Variants in FRMPD3 observed in about 807,000 individuals in gnomAD.
FRMPD3 encodes FERM and PDZ domain containing 3, also known as FERM and PDZ domain-containing protein 3.
Under a neutral mutation model 97.9 loss-of-function variants are expected in FRMPD3, and 42 were observed. The observed-to-expected ratio is 0.43, with a 90% CI of 0.34 to 0.55. The LOEUF is 0.55. Ranked by LOEUF, FRMPD3 falls within the 20% of genes least tolerant of loss-of-function variation. The pLI is 0.03. For synonymous variants in FRMPD3, 577 were observed against 581.1 expected, an observed-to-expected ratio of 0.99 and a Z score of 0.10; for missense variants, 1,303 against 1,457.7, an observed-to-expected ratio of 0.89 and a Z score of 1.73.
chrX:107,583,869 CT>C (rs1270872725), intron 13 of FRMPD3, among the ~76,000 whole-genome samples: 119 of 94,843 alleles, frequency 1.3e-3, no homozygotes, highest in Non-Finnish European at 1.4e-3. Flanking sequence ...CTTTTTCTTT[CT>C]TTTTTTTTTT....
At chrX:107,559,369 T>G (rs1469271500) in intron 8 of FRMPD3, among the ~76,000 whole-genome samples, 4 of 111,978 alleles carry the variant, frequency 3.6e-5, no homozygotes, top group Non-Finnish European at 7.5e-5. Flanking sequence ...CACAGCATTT[T>G]ATATAAAGGA....
At chrX:107,471,884 C>T (rs1228401990) in intron 1 of FRMPD3, among the ~76,000 whole-genome samples, 3 of 112,376 alleles carry the variant, frequency 2.7e-5, no homozygotes, top group African/African-American at 9.7e-5. Flanking sequence ...ATACTGTCTT[C>T]CACAATAGTT....
intron 1 of FRMPD3, among the ~76,000 whole-genome samples, chrX:107,487,251 C>T (rs1414740863): frequency 9.1e-6 from 1 of 110,413 alleles, no homozygotes; most frequent in African/African-American, 3.3e-5. Flanking sequence ...AAGACTCCAT[C>T]TCAAAAAAAT....
Position 107,600,856 on chromosome X carries a change from G to A in FRMPD3, c.2817G>A (p.Leu939=), listed in dbSNP as rs1032683087. The A allele has an allele frequency of 2.5e-6, 3 of 1,207,618 alleles. No homozygotes were observed. In the African/African-American group the frequency reaches 5.3e-5, roughly 21 times the overall value. The change falls in exon 15 of 15, where the codon TTG becomes TTA. Residue 939 remains leucine (L), a synonymous_variant. Transcript: ENST00000683843. ...ACAACCTGCCCAAGGAGGTCAGGTT[G>A]AGCCCCAAGCTTATCCTCGACCCAA... ...LRDNLPKEVR[L]SPKLILDPKS... is the part of the protein sequence containing the mutation.
intron 1 of FRMPD3, among the ~76,000 whole-genome samples, chrX:107,500,257 AATT>A (rs1387079956): frequency 1.8e-5 from 2 of 111,462 alleles, no homozygotes; most frequent in Non-Finnish European, 1.9e-5. Context: ...AGCGTCAGCT[AATT>A]ATTGTTGGGT....
At chrX:107,502,186 C>T (rs1234447576) in intron 1 of FRMPD3, among the ~76,000 whole-genome samples, 1 of 110,167 alleles carries the variant, frequency 9.1e-6, no homozygotes, top group African/African-American at 3.3e-5. Flanking sequence ...CCCATTGGAG[C>T]AGCTAGGCCT....
intron 1 of FRMPD3, among the ~76,000 whole-genome samples, chrX:107,483,904 C>T: frequency 8.9e-6 from 1 of 111,763 alleles, no homozygotes; most frequent in East Asian, 2.8e-4. Flanking sequence ...AACATATACA[C>T]TGGGTGTGCA....
At chrX:107,450,562 CCACACA>C (rs561898459) in intron 1 of FRMPD3, among the ~76,000 whole-genome samples, 990 of 84,231 alleles carry the variant, frequency 0.012, 24 homozygotes, top group East Asian at 0.086. Context: ...CATGCAAAGA[CCACACA>C]CACACACACA....
At chrX:107,599,758 G>A (rs1924399202) in intron 14 of FRMPD3, among the ~76,000 whole-genome samples, 1 of 111,003 alleles carries the variant, frequency 9.0e-6, no homozygotes, top group South Asian at 3.9e-4. Flanking sequence ...TTTGGATTCC[G>A]GCCTTTCATC....
chrX:107,602,224 C>T lies in FRMPD3; in HGVS notation c.4185C>T (p.Tyr1395=). ...APNYRKLMRR[Y]SISELDQGDR... ...ATTACAGGAAACTGATGCGCCGCTA[C>T]AGTATCAGTGAGCTGGACCAGGGTG... Residue 1395 remains tyrosine, a synonymous_variant, in exon 15 of 15, where the codon TAC becomes TAT. Transcript: ENST00000683843. 8.3e-7 allele frequency: 1 copy of T among 1,210,237 alleles called. No individual in the cohort carries two copies. The highest frequency in any genetic ancestry group is 1.8e-5 in the South Asian group (1 of 56,798).
At chrX:107,530,310 G>A in intron 2 of FRMPD3, 99 bp from the exon 3 acceptor site, 1 of 609,024 alleles carries the variant, frequency 1.6e-6, no homozygotes, top group Non-Finnish European at 2.7e-6. Context: ...CCAGGCCTCA[G>A]CACCTGCTTC....
chrX:107,459,061 T>C (rs1931422769), intron 1 of FRMPD3, among the ~76,000 whole-genome samples: 1 of 112,238 alleles, frequency 8.9e-6, no homozygotes, highest in Admixed American at 9.4e-5. Flanking sequence ...CATTGGGCAT[T>C]ATAATCAGTT....
intron 1 of FRMPD3, among the ~76,000 whole-genome samples, chrX:107,517,408 G>A (rs1235554868): frequency 8.9e-6 from 1 of 112,015 alleles, no homozygotes; most frequent in Non-Finnish European, 1.9e-5. Context: ...AAATGGGAAA[G>A]TGAGGAAGAT....
chrX:107,582,698 C>T (rs1183687229), intron 13 of FRMPD3, among the ~76,000 whole-genome samples: 2 of 112,366 alleles, frequency 1.8e-5, no homozygotes, highest in East Asian at 5.5e-4. Flanking sequence ...TATTTGTGAA[C>T]TCTCAATTCT....
At chrX:107,514,443 A>T (rs1199935691) in intron 1 of FRMPD3, among the ~76,000 whole-genome samples, 1 of 110,647 alleles carries the variant, frequency 9.0e-6, no homozygotes, top group Non-Finnish European at 1.9e-5. Context: ...AGGAGAGATG[A>T]TGGTGGCTTG....
intron 1 of FRMPD3, among the ~76,000 whole-genome samples, chrX:107,507,516 T>C (rs1922064828): frequency 1.8e-5 from 2 of 111,317 alleles, no homozygotes; most frequent in Admixed American, 9.4e-5. Context: ...CCGGGACTTC[T>C]AGCTGCCTCT....
chrX:107,557,671 G>A (rs1200432454), intron 8 of FRMPD3, among the ~76,000 whole-genome samples: 2 of 98,032 alleles, frequency 2.0e-5, no homozygotes, highest in African/African-American at 7.7e-5. Context: ...TTTCGTGTGT[G>A]TGTGTGTGTG....
rs765941345 is a variant in FRMPD3, at chrX:107,602,359, C to G, written c.4320C>G (p.Ser1440Arg). ...ASLPIALGPK[S>R]RSLESPTLGD... Reference sequence around the variant, plus strand: ...TCCCCATAGCCTTGGGTCCCAAAAGCAGGTCTCTGGAGTCACCGACGCTGG... The same window carrying G: ...TCCCCATAGCCTTGGGTCCCAAAAGGAGGTCTCTGGAGTCACCGACGCTGG... Residue 1440 changes from serine (S) to arginine (R), a missense_variant, in exon 15 of 15, where the codon AGC becomes AGG. Ser to Arg is a moderately radical substitution (Grantham distance 110, BLOSUM62 -1). Transcript: ENST00000683843. 7 of 1,210,687 alleles carry G rather than the reference C, an allele frequency of 5.8e-6. No individual in the cohort carries two copies. Among genetic ancestry groups the G allele is most frequent in the Non-Finnish European group, 7.8e-6 (7 of 895,223 alleles).
Position 107,477,914 on chromosome X carries a change from C to T in FRMPD3, c.-8+27909C>T, listed in dbSNP as rs146647240. Among the ~76,000 whole-genome samples the T allele has an allele frequency of 9.2e-3, 1,031 of 111,513 alleles. 10 individuals carry two copies. Among genetic ancestry groups the T allele is most frequent in the African/African-American group, 0.032 (978 of 30,632 alleles). ...AGCCAGTTTTATTACTCATCTCCAT[C>T]TTATGCCAGAGATGCCCTCTCCTTG... On this transcript the variant is annotated intron_variant, in intron 1 of 14. Transcript: ENST00000683843.
Sources: gnomAD v4.1 joint callset for allele counts (sites outside exome capture counted in the v4.1 genomes callset) on GRCh38, gnomAD v4.1.1 for gene constraint, MANE v1.5 for transcripts, NCBI Gene and HGNC (gene_info 2026-07-23, HGNC 2026-07-21) for gene names.